Variants in DDI2 observed in about 807,000 individuals in gnomAD.
DDI2 encodes DDI proteasomal shuttling factor 2, also known as protein DDI1 homolog 2.
A neutral mutation model predicts 48.1 loss-of-function variants in DDI2; 5 were observed. That is an observed-to-expected ratio of 0.10 (90% CI 0.05 to 0.22). The LOEUF is 0.22. DDI2 is among the 10% of genes least tolerant of loss of function. The pLI is 1.00. For synonymous variants in DDI2, 205 were observed against 183.6 expected (o/e 1.12, Z -0.94); for missense variants, 285 against 506.2 (o/e 0.56, Z 4.19).
rs749434244 is a variant in DDI2 at position 15,617,665 on chromosome 1, C to T, written c.-6C>T. ...GAGCCGAGCCGAGCCGGGTCGGGCCCGGGCCATGCTGCTCACCGTGTACTG... is the reference window on the plus strand; with the variant it reads ...GAGCCGAGCCGAGCCGGGTCGGGCCTGGGCCATGCTGCTCACCGTGTACTG... On this transcript the variant is annotated 5_prime_UTR_variant, in exon 1 of 10. Coordinates refer to ENST00000480945, the MANE Select transcript of DDI2 (RefSeq NM_032341.5). 4 of 1,496,146 alleles carry T rather than the reference C, an allele frequency of 2.7e-6. No individual in the cohort carries two copies. The highest frequency in any genetic ancestry group is 2.7e-5 in the East Asian group (1 of 36,766). 92.7% of individuals were successfully genotyped at this position (1,496,146 alleles called of 1,614,324 possible). A position where few individuals can be genotyped will look rare whatever the true frequency, so the allele number is the denominator to read the frequency against.
At chr1:15,633,597 T>TA in intron 4 of DDI2, 32 bp downstream of exon 4, 4 of 1,603,112 alleles carry the variant, frequency 2.5e-6, no homozygotes, top group South Asian at 1.1e-5. Context: ...GAACAAAACT[T>TA]AGAGACTCCA....
intron 5 of DDI2, 80 bp downstream of exon 5, chr1:15,638,514 C>T (rs1276946032): frequency 1.4e-5 from 18 of 1,281,524 alleles, no homozygotes; most frequent in South Asian, 1.1e-4. Context: ...CTCAAGCATC[C>T]GTTCAGATGG....
In DDI2 at chr1:15,667,797, T is replaced by C. The variant is rs1424550177; in HGVS notation, c.*8007T>C. On this transcript the variant is annotated 3_prime_UTR_variant, in exon 10 of 10. Transcript: ENST00000480945. The stretch of plus-strand genomic sequence containing the variant: ...TCTGAGGTTTACAGTTAGAAAATGT[T>C]CTCAAAGGTTTATCAGTTATGTATT... 2 of 152,212 alleles carry C rather than the reference T, an allele frequency of 1.3e-5. No homozygotes were observed. The highest frequency in any genetic ancestry group is 1.3e-4 in the Admixed American group (2 of 15,276). 9.4% of individuals were successfully genotyped at this position (152,212 alleles called of 1,614,324 possible).
chr1:15,630,278 GT>G (rs768561475), intron 2 of DDI2, 46 bp from the exon 3 acceptor site: 1 of 1,589,454 alleles, frequency 6.3e-7, no homozygotes, highest in Non-Finnish European at 8.6e-7. Context: ...TCAAGTGCTT[GT>G]TTTTGTAGAG....
In DDI2 at chr1:15,630,743, A is replaced by C. The variant is rs536992498; in HGVS notation, c.505+182A>C. Among the ~76,000 whole-genome samples, 4 of 152,320 alleles carry C rather than the reference A, an allele frequency of 2.6e-5. No individual in the cohort carries two copies. In the East Asian group the frequency reaches 7.7e-4, roughly 29 times the overall value. On this transcript the variant is annotated intron_variant, in intron 3 of 9. Coordinates refer to ENST00000480945, the MANE Select transcript of DDI2 (RefSeq NM_032341.5). Reference sequence around the variant, plus strand: ...CTGAGTTACTTGGAAACAGCAATAGAGTTTTAGCAGTGAAATCCATCTAGG... The same window carrying C: ...CTGAGTTACTTGGAAACAGCAATAGCGTTTTAGCAGTGAAATCCATCTAGG...
chr1:15,618,177 G>A (rs1323516176), intron 1 of DDI2, among the ~76,000 whole-genome samples: 1 of 151,336 alleles, frequency 6.6e-6, no homozygotes, highest in African/African-American at 2.4e-5. Flanking sequence ...GCAGCCCTGG[G>A]TTTGCTAGGA....
chr1:15,620,727 A>G (rs1034955421), intron 1 of DDI2, among the ~76,000 whole-genome samples: 125 of 152,318 alleles, frequency 8.2e-4, no homozygotes, highest in African/African-American at 2.9e-3. Context: ...CGTTGTATAC[A>G]TTATATATGG....
intron 4 of DDI2, among the ~76,000 whole-genome samples, chr1:15,636,257 TA>T (rs1378328354): frequency 6.6e-6 from 1 of 151,966 alleles, no homozygotes; most frequent in African/African-American, 2.4e-5. Context: ...GCCTCCTGAG[TA>T]GCTGGGTCTA....
chr1:15,657,554 T>A (rs1171476222), intron 9 of DDI2, among the ~76,000 whole-genome samples: 5 of 152,230 alleles, frequency 3.3e-5, no homozygotes, highest in Non-Finnish European at 7.3e-5. Flanking sequence ...GAAACTGACC[T>A]TCTCAGCTAC....
At chr1:15,656,880 C>T (rs1193588833) in intron 9 of DDI2, 4 of 635,790 alleles carry the variant, frequency 6.3e-6, no homozygotes, top group South Asian at 4.5e-5. Flanking sequence ...AAAATGGATT[C>T]GTTATTAGAA....
In DDI2 at chr1:15,626,773, C is replaced by T. The variant is rs1400682679; in HGVS notation, c.243C>T (p.Asp81=). ...TTTTACGACAGAAGGAGAATGCAGA[C>T]CCTCGACCTCCAGTGCAGTTCCCAA... The part of the protein sequence containing the change: ...VVILRQKENA[D]PRPPVQFPNL... Residue 81 remains aspartate, a synonymous_variant, in exon 2 of 10, where the codon GAC becomes GAT. Coordinates refer to ENST00000480945, the MANE Select transcript of DDI2 (RefSeq NM_032341.5). 4 of 1,614,102 alleles carry T rather than the reference C, an allele frequency of 2.5e-6. No homozygotes were observed. Among genetic ancestry groups the T allele is most frequent in the Admixed American group, 1.7e-5 (1 of 59,994 alleles).
At chr1:15,636,261 T>G (rs181222662) in intron 4 of DDI2, among the ~76,000 whole-genome samples, 19 of 152,134 alleles carry the variant, frequency 1.2e-4, no homozygotes, top group African/African-American at 4.6e-4. Context: ...CCTGAGTAGC[T>G]GGGTCTATAG....
rs1482387402 is a variant in DDI2 at position 15,661,564 on chromosome 1, A to G, written c.*1774A>G. 1.9e-6 allele frequency: 3 copies of G among 1,614,216 alleles called. No homozygotes were observed. The highest frequency in any genetic ancestry group is 1.6e-4 in the Middle Eastern group (1 of 6,062). ...CAGCCATCCATCATCAAGTCCTGCC[A>G]TTCTTCCACCATTGATTTTTCCTGC... is the stretch of plus-strand genomic sequence containing the variant. On this transcript the variant is annotated 3_prime_UTR_variant, in exon 10 of 10. Coordinates refer to ENST00000480945, the MANE Select transcript of DDI2 (RefSeq NM_032341.5).
chr1:15,647,230 C>A (rs1640106498), intron 6 of DDI2, among the ~76,000 whole-genome samples: 1 of 152,000 alleles, frequency 6.6e-6, no homozygotes, highest in Non-Finnish European at 1.5e-5. Flanking sequence ...TCACTTCAAC[C>A]TGTGCCTCCC....
chr1:15,617,594 G>C lies in DDI2; in HGVS notation c.-77G>C. ...GCCGTCCTCCCGCAGCACCAGCCAG[G>C]CCACGCCGCCGCCTCTTCCCCTGCG... On this transcript the variant is annotated 5_prime_UTR_variant, in exon 1 of 10. Transcript: ENST00000480945. 8.2e-7 allele frequency: 1 copy of C among 1,222,422 alleles called. No individual in the cohort carries two copies. The allele number at this position is 1,222,422 out of a possible 1,614,324, so 75.7% of individuals were successfully genotyped here.
At chr1:15,641,251 C>T (rs189102034) in intron 5 of DDI2, among the ~76,000 whole-genome samples, 14 of 151,880 alleles carry the variant, frequency 9.2e-5, no homozygotes, top group African/African-American at 3.1e-4. Context: ...GCGGGTAGAC[C>T]ATTTGAGGTC....
Position 15,651,100 on chromosome 1 carries a change from G to A in DDI2, c.994-606G>A, listed in dbSNP as rs190242711. 3.5e-3 allele frequency among the ~76,000 whole-genome samples: 527 copies of A among 152,152 alleles called. 1 individual carries two copies. The highest frequency in any genetic ancestry group is 0.012 in the African/African-American group (491 of 41,520). ...GATCTCCTGACCTCGTGATCCGCCC[G>A]CCTCAGCCTCCCAAAGTGCCGGGAT... On this transcript the variant is annotated intron_variant, in intron 7 of 9. Coordinates refer to ENST00000480945, the MANE Select transcript of DDI2 (RefSeq NM_032341.5).
At chr1:15,659,359 A>G (rs530447663) in intron 9 of DDI2, among the ~76,000 whole-genome samples, 1 of 152,330 alleles carries the variant, frequency 6.6e-6, no homozygotes, top group Non-Finnish European at 1.5e-5. Context: ...AATATCCTTA[A>G]GAATCACCCA....
chr1:15,640,811 G>C lies in DDI2; in HGVS notation c.760+2377G>C, dbSNP rs544416078. 2.6e-5 allele frequency among the ~76,000 whole-genome samples: 4 copies of C among 152,234 alleles called. No homozygotes were observed. In the East Asian group the frequency reaches 7.7e-4, roughly 29 times the overall value. On this transcript the variant is annotated intron_variant, in intron 5 of 9. Coordinates refer to ENST00000480945, the MANE Select transcript of DDI2 (RefSeq NM_032341.5). ...GAACTTTTATTACTTATAAAGTGTAGGGTACCTGTGAGTAATATGAGCAGG... is the reference window on the plus strand; with the variant it reads ...GAACTTTTATTACTTATAAAGTGTACGGTACCTGTGAGTAATATGAGCAGG...
Sources: allele counts gnomAD v4.1 joint callset (sites outside exome capture counted in the v4.1 genomes callset), GRCh38; gene constraint gnomAD v4.1.1; transcripts MANE v1.5; gene names NCBI Gene and HGNC (gene_info 2026-07-23, HGNC 2026-07-21).